The following WDR49 variants were observed in gnomAD, a reference collection of about 807,000 sequenced individuals.
WDR49 encodes cilia- and flagella-associated protein 337.
WDR49 carries 107 observed loss-of-function variants against 119.5 expected under a neutral mutation model. The ratio of observed to expected loss-of-function variants is 0.90; its 90% CI spans 0.77 to 1.05. The LOEUF is 1.05. WDR49 is among the 50% of genes least tolerant of loss of function. The probability of loss-of-function intolerance (pLI) is 0.00; values close to 1 mark genes in which losing one functional copy is unlikely to be tolerated. For synonymous variants in WDR49, 425 were observed against 418.8 expected (o/e 1.01, Z -0.18); for missense variants, 1,240 against 1,220.5 (o/e 1.02, Z -0.24).
intron 17 of WDR49, among the ~76,000 whole-genome samples, chr3:167,504,152 T>G (rs540187393): frequency 1.3e-5 from 2 of 152,288 alleles, no homozygotes; most frequent in East Asian, 3.9e-4. Flanking sequence ...ACTGGGGCAC[T>G]GCCTAGTGGA....
chr3:167,622,102 A>G (rs1376214227), intron 3 of WDR49, among the ~76,000 whole-genome samples: 1 of 152,190 alleles, frequency 6.6e-6, no homozygotes, highest in Non-Finnish European at 1.5e-5. Flanking sequence ...TACAAAGGGG[A>G]AAATATTTAA....
At chr3:167,489,127 T>C (rs2108196667) in intron 18 of WDR49, among the ~76,000 whole-genome samples, 1 of 152,196 alleles carries the variant, frequency 6.6e-6, no homozygotes, top group African/African-American at 2.4e-5. Context: ...ATTACCTATC[T>C]CTCTTCCTAG....
intron 10 of WDR49, among the ~76,000 whole-genome samples, chr3:167,539,014 T>C (rs1711635966): frequency 6.6e-6 from 1 of 152,152 alleles, no homozygotes; most frequent in Non-Finnish European, 1.5e-5. Context: ...TCTTCTATCC[T>C]TGCTTTTCAG....
At chr3:167,650,703 T>C (rs1404345917) in intron 2 of WDR49, among the ~76,000 whole-genome samples, 1 of 152,188 alleles carries the variant, frequency 6.6e-6, no homozygotes. Flanking sequence ...AAGTATGAAT[T>C]AGAATCAAGG....
rs557602827 is a variant in WDR49, at chr3:167,642,331, T to G, written c.165+10930A>C. ...TGCAAATAAGTCTTGAATTTTACTT[T>G]CATTTTTAGAGTAGTGTTAATATAA... On this transcript the variant is annotated intron_variant, in intron 2 of 18. Transcript: ENST00000682715. Among the ~76,000 whole-genome samples the G allele has an allele frequency of 5.5e-4, 83 of 152,108 alleles. No homozygotes were observed. In the South Asian group the frequency reaches 5.6e-3, roughly 10 times the overall value.
At chr3:167,612,046 G>T (rs1325165348) in intron 5 of WDR49, among the ~76,000 whole-genome samples, 2 of 152,102 alleles carry the variant, frequency 1.3e-5, no homozygotes, top group African/African-American at 4.8e-5. Flanking sequence ...CTTTTCCTCA[G>T]CACATGAATC....
At chr3:167,621,360 A>T in intron 4 of WDR49, 107 bp downstream of exon 4, 1 of 1,140,002 alleles carries the variant, frequency 8.8e-7, no homozygotes, top group Non-Finnish European at 1.2e-6. Context: ...TGTAATCCAT[A>T]ATGTAATTAA....
chr3:167,642,594 G>T (rs534422316), intron 2 of WDR49, among the ~76,000 whole-genome samples: 1 of 151,980 alleles, frequency 6.6e-6, no homozygotes, highest in East Asian at 1.9e-4. Context: ...GATAGGTATA[G>T]ATATATCCTA....
intron 2 of WDR49, among the ~76,000 whole-genome samples, chr3:167,650,853 A>G (rs953345653): frequency 2.0e-5 from 3 of 152,172 alleles, no homozygotes; most frequent in African/African-American, 7.2e-5. Flanking sequence ...TCTAATCTTC[A>G]TGAAAGCTCT....
At chr3:167,639,821 A>T (rs547425565) in intron 2 of WDR49, among the ~76,000 whole-genome samples, 1 of 151,828 alleles carries the variant, frequency 6.6e-6, no homozygotes, top group Admixed American at 6.6e-5. Context: ...CTTTCATCCC[A>T]GATATCTGGC....
At chr3:167,513,681 T>A (rs1438374104) in intron 16 of WDR49, among the ~76,000 whole-genome samples, 1 of 151,772 alleles carries the variant, frequency 6.6e-6, no homozygotes. Flanking sequence ...GCATAAAGAG[T>A]AAAGACCCAT....
At chr3:167,585,998 G>T (rs1714795653) in intron 7 of WDR49, among the ~76,000 whole-genome samples, 1 of 152,164 alleles carries the variant, frequency 6.6e-6, no homozygotes, top group Non-Finnish European at 1.5e-5. Context: ...ATAGATGGAA[G>T]TCGGGATGGG....
At chr3:167,619,583 A>G (rs573812378) in intron 5 of WDR49, among the ~76,000 whole-genome samples, 1 of 152,180 alleles carries the variant, frequency 6.6e-6, no homozygotes, top group Non-Finnish European at 1.5e-5. Context: ...AAAATTACCA[A>G]AAAGCCAACA....
intron 3 of WDR49, among the ~76,000 whole-genome samples, chr3:167,624,000 A>G (rs1027518931): frequency 1.3e-5 from 2 of 151,990 alleles, no homozygotes; most frequent in Admixed American, 1.3e-4. Flanking sequence ...TGATAAATCT[A>G]TCTACCCAGA....
intron 7 of WDR49, among the ~76,000 whole-genome samples, chr3:167,577,772 G>A (rs1714323372): frequency 6.6e-6 from 1 of 151,970 alleles, no homozygotes; most frequent in Non-Finnish European, 1.5e-5. Flanking sequence ...ATAAAAGATA[G>A]TTTCTGTTTA....
chr3:167,579,435 T>C (rs1169908945), intron 7 of WDR49, among the ~76,000 whole-genome samples: 2 of 152,188 alleles, frequency 1.3e-5, no homozygotes, highest in Admixed American at 1.3e-4. Context: ...TATGGGACTT[T>C]TTAAAATATC....
At chr3:167,503,968 G>A (rs1751676354) in intron 17 of WDR49, among the ~76,000 whole-genome samples, 1 of 152,138 alleles carries the variant, frequency 6.6e-6, no homozygotes, top group African/African-American at 2.4e-5. Flanking sequence ...GCATTTTAGT[G>A]AGCTCTCTGA....
At chr3:167,557,166 C>T (rs1712983788) in intron 9 of WDR49, among the ~76,000 whole-genome samples, 2 of 152,008 alleles carry the variant, frequency 1.3e-5, no homozygotes, top group Non-Finnish European at 2.9e-5. Flanking sequence ...CACTGCACTC[C>T]AGCCTGGGCA....
intron 16 of WDR49, among the ~76,000 whole-genome samples, chr3:167,506,968 C>T (rs1449951200): frequency 6.6e-6 from 1 of 152,148 alleles, no homozygotes; most frequent in Non-Finnish European, 1.5e-5. Context: ...AACTGCTGCT[C>T]TTATTGCATC....
Sources: allele counts gnomAD v4.1 joint callset (sites outside exome capture counted in the v4.1 genomes callset), GRCh38; gene constraint gnomAD v4.1.1; transcripts MANE v1.5; gene names NCBI Gene and HGNC (gene_info 2026-07-23, HGNC 2026-07-21).